The following PSTK variants were observed in gnomAD, a reference collection of about 807,000 sequenced individuals.
The protein encoded by PSTK is phosphoseryl-tRNA kinase, also known as L-seryl-tRNA(Sec) kinase.
Under a neutral mutation model 38.6 loss-of-function variants are expected in PSTK, and 26 were observed. The observed-to-expected ratio is 0.67, with a 90% CI of 0.49 to 0.94. The LOEUF (loss-of-function observed/expected upper bound fraction) is 0.94, where lower values mean the gene tolerates loss of function less well. PSTK is among the 40% of genes least tolerant of loss of function. The pLI is 0.00. For missense variants in PSTK, 445 were observed against 436.3 expected (o/e 1.02, Z -0.18); for synonymous variants, 181 against 161.7 (o/e 1.12, Z -0.91).
Position 122,983,272 on chromosome 10 carries a change from A to G in PSTK, c.509A>G (p.Tyr170Cys), listed in dbSNP as rs372845907. 70 of 1,603,522 alleles carry G rather than the reference A, an allele frequency of 4.4e-5. No individual in the cohort carries two copies. Among genetic ancestry groups the G allele is most frequent in the Non-Finnish European group, 5.6e-5 (66 of 1,176,040 alleles). The change falls in exon 3 of 6, where the codon TAT becomes TGT. Residue 170 changes from tyrosine to cysteine, a missense_variant and splice_region_variant. By Grantham distance (194) the Tyr-to-Cys change is radical. Coordinates refer to ENST00000406217, the MANE Select transcript of PSTK (RefSeq NM_001363531.2). ...TTCTATCATTTTAAACTGTTTTCAG[A>G]TTCGTTGGGCTTTTGCCAGCTCTTT... ...RYEVYQLARK[Y>C]SLGFCQLFLD...
Position 122,980,979 on chromosome 10 carries a change from T to G in PSTK, c.216+284T>G, listed in dbSNP as rs112173872. 1.1e-4 allele frequency among the ~76,000 whole-genome samples: 17 copies of G among 152,364 alleles called. No homozygotes were observed. The highest frequency in any genetic ancestry group is 5.9e-4 in the Admixed American group (9 of 15,302). On this transcript the variant is annotated intron_variant, in intron 1 of 5. Transcript: ENST00000406217. This position sits in a 1 kb window ranked among gnomAD's most constrained non-coding sequence, Gnocchi z 4.3. Reference sequence around the variant, plus strand: ...GTATATGTTGTATATTCTATACAGTTGAGTCTTCAGACAGGGTCAGGTTCT... The same window carrying G: ...GTATATGTTGTATATTCTATACAGTGGAGTCTTCAGACAGGGTCAGGTTCT...
At chr10:122,986,139 C>T (rs1849028868) in intron 3 of PSTK, 161 bp from the exon 4 acceptor site, 2 of 409,376 alleles carry the variant, frequency 4.9e-6, no homozygotes, top group Admixed American at 4.4e-5. Flanking sequence ...GAGAATGGCG[C>T]AAATCCGGGA....
Position 122,986,887 on chromosome 10 carries a change from T to G in PSTK, c.802T>G (p.Cys268Gly). 1 of 1,607,304 alleles carries G rather than the reference T, an allele frequency of 6.2e-7. No homozygotes were observed. The highest frequency in any genetic ancestry group is 8.5e-7 in the Non-Finnish European group (1 of 1,174,182). ...AACATAGGACACAGACAGAATTATTTGTTCAACTAACATTCTTCATAAAAC... is the reference window on the plus strand; with the variant it reads ...AACATAGGACACAGACAGAATTATTGGTTCAACTAACATTCTTCATAAAAC... The part of the protein sequence containing the change: ...MEQKDTDRII[C>G]STNILHKTDQ... Residue 268 changes from cysteine (C) to glycine (G), a missense_variant, in exon 5 of 6, where the codon TGT (cysteine) becomes GGT (glycine). Physicochemically the swap from Cys to Gly is radical, Grantham distance 159. Coordinates refer to ENST00000406217, the MANE Select transcript of PSTK (RefSeq NM_001363531.2).
Position 122,986,389 on chromosome 10 carries a change from G to C in PSTK, c.783+14G>C. On this transcript the variant is annotated intron_variant, in intron 4 of 5. Coordinates refer to ENST00000406217, the MANE Select transcript of PSTK (RefSeq NM_001363531.2). Reference sequence around the variant, plus strand: ...ATGGAACAAAAGGTAAACTTCCAGTGTAAATTTAATGTAAATGAGAAGGAA... The same window carrying C: ...ATGGAACAAAAGGTAAACTTCCAGTCTAAATTTAATGTAAATGAGAAGGAA... 1 of 1,568,902 alleles carries C rather than the reference G, an allele frequency of 6.4e-7. No individual in the cohort carries two copies. The highest frequency in any genetic ancestry group is 8.8e-7 in the Non-Finnish European group (1 of 1,139,020).
chr10:122,984,550 C>T (rs1027610163), intron 3 of PSTK: 4 of 152,306 alleles, frequency 2.6e-5, no homozygotes, highest in African/African-American at 7.2e-5. Flanking sequence ...CTATGCTTTA[C>T]CTCTTTTAAG....
At chr10:122,983,710 A>G (rs1848997631) in intron 3 of PSTK, 1 of 462,446 alleles carries the variant, frequency 2.2e-6, no homozygotes, top group African/African-American at 2.0e-5. Context: ...CAGTAGTTGG[A>G]GCAGGGAATT....
At position 122,990,159 on chromosome 10, in the gene PSTK, ATC is replaced by A. The variant is rs1849111536; in HGVS notation, c.878-13_878-12del. On this transcript the variant is annotated splice_polypyrimidine_tract_variant and intron_variant, in intron 5 of 5. Coordinates refer to ENST00000406217, the MANE Select transcript of PSTK (RefSeq NM_001363531.2). The stretch of plus-strand genomic sequence containing the variant: ...TAATTTACACCAGTAATTTGAGAAT[ATC>A]TTTTTATTTTAGATGAACAAGTGCT... 6.7e-7 allele frequency: 1 copy of A among 1,499,758 alleles called. No homozygotes were observed. Among genetic ancestry groups the A allele is most frequent in the South Asian group, 1.3e-5 (1 of 75,804 alleles). 92.9% of individuals were successfully genotyped at this position (1,499,758 alleles called of 1,614,324 possible). A position where few individuals can be genotyped will look rare whatever the true frequency, so the allele number is the denominator to read the frequency against.
At chr10:122,984,015 A>AT (rs1431865742) in intron 3 of PSTK, 5 of 152,888 alleles carry the variant, frequency 3.3e-5, no homozygotes, top group African/African-American at 1.2e-4. Flanking sequence ...TGCTAGCCAC[A>AT]TTTGACTATT....
At chr10:122,986,219 A>C in intron 3 of PSTK, 81 bp from the exon 4 acceptor site, 1 of 777,102 alleles carries the variant, frequency 1.3e-6, no homozygotes, top group Non-Finnish European at 2.0e-6. Context: ...AGACTCCAGG[A>C]CTCCATCTCA....
intron 4 of PSTK, 108 bp from the exon 5 acceptor site, chr10:122,986,761 G>A: frequency 1.4e-6 from 1 of 693,390 alleles, no homozygotes; most frequent in Non-Finnish European, 2.4e-6. Context: ...AAACAGAAAA[G>A]CCGCTTAAAC....
intron 4 of PSTK, 48 bp from the exon 5 acceptor site, chr10:122,986,821 T>C: frequency 8.1e-7 from 1 of 1,232,822 alleles, no homozygotes; most frequent in Non-Finnish European, 1.2e-6. Context: ...TAGCCATTTA[T>C]TTTATAAAAC....
intron 5 of PSTK, chr10:122,987,636 TC>T: frequency 1.5e-6 from 2 of 1,337,746 alleles, no homozygotes; most frequent in Non-Finnish European, 9.9e-7. Flanking sequence ...ACACAGTAAT[TC>T]CATTAGGTTT....
At chr10:122,989,453 T>G (rs1198879018) in intron 5 of PSTK, among the ~76,000 whole-genome samples, 1 of 152,150 alleles carries the variant, frequency 6.6e-6, no homozygotes, top group African/African-American at 2.4e-5. Context: ...GGTTTCACCA[T>G]GTTGGCCAGT....
rs2133353073 is a variant in PSTK, at chr10:122,980,627, A to G, written c.148A>G (p.Ile50Val). 1.2e-6 allele frequency: 2 copies of G among 1,611,682 alleles called. No homozygotes were observed. The highest frequency in any genetic ancestry group is 1.7e-6 in the Non-Finnish European group (2 of 1,179,432). ...GCTGCAGCAGGAGCAGGGTTGGGCC[A>G]TCGGTGTTGTCGCGTATGATGACGT... ...HRLQQEQGWAIGVVAYDDVMP... is the reference protein window; with the variant it reads ...HRLQQEQGWAVGVVAYDDVMP... The change falls in exon 1 of 6, where the codon ATC becomes GTC. Residue 50 changes from isoleucine to valine, a missense_variant. Transcript: ENST00000406217. This position sits in a 1 kb window ranked among gnomAD's most constrained non-coding sequence, Gnocchi z 4.3.
chr10:122,983,050 A>C (rs1306868287), intron 2 of PSTK, 26 bp downstream of exon 2: 1 of 1,570,284 alleles, frequency 6.4e-7, no homozygotes, highest in Non-Finnish European at 8.7e-7. Flanking sequence ...TTTTTCTTAC[A>C]CATGGAGATA....
chr10:122,980,937 C>G lies in PSTK; in HGVS notation c.216+242C>G, dbSNP rs1821443047. 2.3e-6 allele frequency: 1 copy of G among 433,134 alleles called. No homozygotes were observed. The highest frequency in any genetic ancestry group is 1.0e-4 in the South Asian group (1 of 10,024). The allele number at this position is 433,134 out of a possible 1,614,324, so 26.8% of individuals were successfully genotyped here. ...AGAACGATGCATTTTAGATGCTTAT[C>G]TGTATATTTGATGCATGTATATGTT... On this transcript the variant is annotated intron_variant, in intron 1 of 5. Transcript: ENST00000406217. The surrounding 1 kb of genome is among the most constrained non-coding windows in gnomAD (Gnocchi z 4.3).
At chr10:122,981,370 C>T (rs566625317) in intron 1 of PSTK, among the ~76,000 whole-genome samples, 3 of 152,252 alleles carry the variant, frequency 2.0e-5, no homozygotes, top group Admixed American at 6.5e-5. Context: ...CTTGTATGTT[C>T]CAAATACATC....
At position 122,986,163 on chromosome 10, in the gene PSTK, G is replaced by A. The variant is rs781139899; in HGVS notation, c.708-137G>A. ...GCAAATCCGGGAAGCAGAGCTTGCA[G>A]TGAGCAGAGATCACGCCGCTGCACT... On this transcript the variant is annotated intron_variant, in intron 3 of 5. Transcript: ENST00000406217. The A allele has an allele frequency of 1.4e-4, 63 of 461,442 alleles. No homozygotes were observed. In the Middle Eastern group the frequency reaches 2.5e-3, roughly 18 times the overall value. The allele number at this position is 461,442 out of a possible 1,614,324, so 28.6% of individuals were successfully genotyped here. A position where few individuals can be genotyped will look rare whatever the true frequency, so the allele number is the denominator to read the frequency against.
At position 122,980,581 on chromosome 10, in the gene PSTK, C is replaced by A; in HGVS notation, c.102C>A (p.Phe34Leu). 6.2e-7 allele frequency: 1 copy of A among 1,611,830 alleles called. No homozygotes were observed. The part of the protein sequence containing the change: ...CGLPAAGKST[F>L]ARALAHRLQQ... ...TCCCCGCGGCAGGAAAATCGACTTT[C>A]GCGCGCGCCCTCGCCCACCGGCTGC... The change falls in exon 1 of 6, where the codon TTC becomes TTA. Residue 34 changes from phenylalanine (F) to leucine (L), a missense_variant. Physicochemically the swap from Phe to Leu is conservative, Grantham distance 22. Coordinates refer to ENST00000406217, the MANE Select transcript of PSTK (RefSeq NM_001363531.2). This position sits in a 1 kb window ranked among gnomAD's most constrained non-coding sequence, Gnocchi z 4.3.
Sources: gnomAD v4.1 joint callset for allele counts (sites outside exome capture counted in the v4.1 genomes callset) on GRCh38, gnomAD v4.1.1 for gene constraint, Gnocchi (gnomAD v3.1) non-coding constraint, MANE v1.5 for transcripts, NCBI Gene and HGNC (gene_info 2026-07-23, HGNC 2026-07-21) for gene names.